Variants in SLC25A36 observed in about 807,000 individuals in gnomAD.
SLC25A36 encodes epididymis secretory sperm binding protein.
Under a neutral mutation model 35.3 loss-of-function variants are expected in SLC25A36, and 24 were observed. The observed-to-expected ratio is 0.68, with a 90% CI of 0.49 to 0.96. The LOEUF is 0.96. SLC25A36 is among the 40% of genes least tolerant of loss of function. The pLI, the probability that SLC25A36 is intolerant of heterozygous loss-of-function variation, is 0.00. For missense variants in SLC25A36, 294 were observed against 381.1 expected (o/e 0.77, Z 1.90); for synonymous variants, 141 against 132.2 (o/e 1.07, Z -0.46).
Position 140,970,967 on chromosome 3 carries a change from A to C in SLC25A36, c.426A>C (p.Ile142=). The C allele has an allele frequency of 6.6e-7, 1 of 1,523,994 alleles. No individual in the cohort carries two copies. The highest frequency in any genetic ancestry group is 9.1e-7 in the Non-Finnish European group (1 of 1,099,184). 94.4% of individuals were successfully genotyped at this position (1,523,994 alleles called of 1,614,324 possible). Residue 142 remains isoleucine (I), a synonymous_variant, in exon 5 of 7, where the codon ATA becomes ATC. Transcript: ENST00000324194. Reference sequence around the variant, plus strand: ...CAGCAACCAACCCCATTTGGCTTATAAAGACTCGGTTACAGCTTGATGCAA... The same window carrying C: ...CAGCAACCAACCCCATTTGGCTTATCAAGACTCGGTTACAGCTTGATGCAA... ...AITATNPIWL[I]KTRLQLDARN...
At chr3:140,947,792 A>G (rs996052350) in intron 1 of SLC25A36, among the ~76,000 whole-genome samples, 1 of 152,258 alleles carries the variant, frequency 6.6e-6, no homozygotes, top group African/African-American at 2.4e-5. Flanking sequence ...TATCAGGTAT[A>G]TAGATGTCCA....
intron 3 of SLC25A36, among the ~76,000 whole-genome samples, chr3:140,961,861 A>AC (rs1381039394): frequency 8.0e-6 from 1 of 125,700 alleles, no homozygotes; most frequent in Non-Finnish European, 1.7e-5. Flanking sequence ...GTCTCAAAAA[A>AC]AAAAAAAAAA....
At chr3:140,958,073 G>A (rs1324755364) in intron 2 of SLC25A36, among the ~76,000 whole-genome samples, 1 of 152,084 alleles carries the variant, frequency 6.6e-6, no homozygotes, top group Non-Finnish European at 1.5e-5. Context: ...CTGAGTATGA[G>A]AGTAAAGTTA....
rs368807389 is a variant in SLC25A36 at position 140,942,037 on chromosome 3, G to A, written c.-18G>A. 3 of 1,442,412 alleles carry A rather than the reference G, an allele frequency of 2.1e-6. No homozygotes were observed. The highest frequency in any genetic ancestry group is 2.8e-6 in the Non-Finnish European group (3 of 1,060,276). 89.4% of individuals were successfully genotyped at this position (1,442,412 alleles called of 1,614,324 possible). A position where few individuals can be genotyped will look rare whatever the true frequency, so the allele number is the denominator to read the frequency against. ...TCCGCGTCCCGCCTCAGCGGCCGGA[G>A]GACATGCGGGAGAGAGAATGAGCCA... On this transcript the variant is annotated 5_prime_UTR_variant, in exon 1 of 7. Coordinates refer to ENST00000324194, the MANE Select transcript of SLC25A36 (RefSeq NM_001104647.3).
chr3:140,976,293 C>T lies in SLC25A36; in HGVS notation c.776C>T (p.Thr259Ile), dbSNP rs1935043512. Residue 259 changes from threonine (T) to isoleucine (I), a missense_variant, in exon 7 of 7, where the codon ACA becomes ATA. Physicochemically the swap from Thr to Ile is moderately conservative, Grantham distance 89. Around this residue, in one of 2 missense-constraint regions of SLC25A36, gnomAD observed 109 missense variants for 179.7 expected, o/e 0.61. Transcript: ENST00000324194. Reference sequence around the variant, plus strand: ...AGAACAAGACTACGTGAAGAGGGAACAAAATACAGATCTTTTTTTCAGACT... The same window carrying T: ...AGAACAAGACTACGTGAAGAGGGAATAAAATACAGATCTTTTTTTCAGACT... ...VVRTRLREEG[T>I]KYRSFFQTLS... 1 of 1,611,148 alleles carries T rather than the reference C, an allele frequency of 6.2e-7. No individual in the cohort carries two copies. Among genetic ancestry groups the T allele is most frequent in the East Asian group, 2.2e-5 (1 of 44,826 alleles).
At chr3:140,950,910 C>CTCTGTGTGTGTGTGTGTG (rs1491149961) in intron 1 of SLC25A36, among the ~76,000 whole-genome samples, 8 of 110,544 alleles carry the variant, frequency 7.2e-5, no homozygotes, top group African/African-American at 4.1e-4. Context: ...CTGTGTGTGT[C>CTCTGTGTGTGTGTGTGTG]TGTGTGTCTG....
chr3:140,968,435 G>A (rs1057027891), intron 4 of SLC25A36: 1 of 981,714 alleles, frequency 1.0e-6, no homozygotes, highest in Non-Finnish European at 1.2e-6. Flanking sequence ...AATTACGTAG[G>A]GATAAGATAA....
intron 1 of SLC25A36, among the ~76,000 whole-genome samples, chr3:140,947,833 G>A (rs887657951): frequency 6.6e-6 from 1 of 152,164 alleles, no homozygotes; most frequent in African/African-American, 2.4e-5. Flanking sequence ...ATTGCTTCTT[G>A]TCTAAACACT....
At chr3:140,967,327 A>G (rs1256764637) in intron 4 of SLC25A36, among the ~76,000 whole-genome samples, 1 of 151,932 alleles carries the variant, frequency 6.6e-6, no homozygotes, top group Non-Finnish European at 1.5e-5. Flanking sequence ...ATACTATCTT[A>G]AAAGTTTTAG....
At chr3:140,970,364 AC>A (rs1342522942) in intron 4 of SLC25A36, 2 of 152,056 alleles carry the variant, frequency 1.3e-5, no homozygotes, top group African/African-American at 4.8e-5. Flanking sequence ...TTACTGTGAT[AC>A]GGTTATTTTA....
chr3:140,951,695 A>G (rs1007706375), intron 1 of SLC25A36, among the ~76,000 whole-genome samples: 1 of 151,730 alleles, frequency 6.6e-6, no homozygotes, highest in South Asian at 2.1e-4. Context: ...GTGTTTCACC[A>G]TGTTGGCCAG....
Position 140,976,357 on chromosome 3 carries a change from T to C in SLC25A36, c.840T>C (p.Leu280=), listed in dbSNP as rs148801836. 6 of 1,613,828 alleles carry C rather than the reference T, an allele frequency of 3.7e-6. No homozygotes were observed. In the African/African-American group the frequency reaches 8.0e-5, roughly 22 times the overall value. Residue 280 remains leucine, a synonymous_variant, in exon 7 of 7, where the codon CTT becomes CTC. Transcript: ENST00000324194. ...TTCAAGAAGAAGGTTATGGGTCTCT[T>C]TATCGTGGTCTGACAACTCATCTAG... ...LLVQEEGYGS[L]YRGLTTHLVR...
chr3:140,943,227 T>C (rs1035591837), intron 1 of SLC25A36, among the ~76,000 whole-genome samples: 1 of 152,212 alleles, frequency 6.6e-6, no homozygotes, highest in Non-Finnish European at 1.5e-5. Context: ...ATCCTGCAGT[T>C]TTTAGATCGA....
intron 1 of SLC25A36, among the ~76,000 whole-genome samples, chr3:140,954,312 C>A (rs1027043636): frequency 6.6e-6 from 1 of 152,122 alleles, no homozygotes; most frequent in South Asian, 2.1e-4. Flanking sequence ...TTGGGTTGTT[C>A]CCAGTTTTTA....
chr3:140,942,326 G>A (rs974012582), intron 1 of SLC25A36: 10 of 424,308 alleles, frequency 2.4e-5, no homozygotes, highest in South Asian at 4.6e-5. Context: ...GAGGGCGAGA[G>A]AGTGAGGCCC....
At position 140,977,358 on chromosome 3, in the gene SLC25A36, G is replaced by GT. The variant is rs1490684424; in HGVS notation, c.*911dup. 1 of 152,030 alleles carries GT rather than the reference G, an allele frequency of 6.6e-6. No individual in the cohort carries two copies. Among genetic ancestry groups the GT allele is most frequent in the Non-Finnish European group, 1.5e-5 (1 of 67,980 alleles). 9.4% of individuals were successfully genotyped at this position (152,030 alleles called of 1,614,324 possible). A position where few individuals can be genotyped will look rare whatever the true frequency, so the allele number is the denominator to read the frequency against. On this transcript the variant is annotated 3_prime_UTR_variant, in exon 7 of 7. Coordinates refer to ENST00000324194, the MANE Select transcript of SLC25A36 (RefSeq NM_001104647.3). Reference sequence around the variant, plus strand: ...TCACATTAAGAATTTGAACTTTTGAGTTTTTTCCAGGTCTATATATAATAG... The same window carrying GT: ...TCACATTAAGAATTTGAACTTTTGAGTTTTTTTCCAGGTCTATATATAATAG...
At position 140,980,419 on chromosome 3, in the gene SLC25A36, T is replaced by TTGGAGG. The variant is rs11282181; in HGVS notation, c.*3968_*3969insGAGGTG. Among the ~76,000 whole-genome samples the TTGGAGG allele has an allele frequency of 6.6e-6, 1 of 152,122 alleles. No individual in the cohort carries two copies. Among genetic ancestry groups the TTGGAGG allele is most frequent in the South Asian group, 2.1e-4 (1 of 4,834 alleles). On this transcript the variant is annotated 3_prime_UTR_variant, in exon 7 of 7. Coordinates refer to ENST00000324194, the MANE Select transcript of SLC25A36 (RefSeq NM_001104647.3). The stretch of plus-strand genomic sequence containing the variant: ...AGTTAACATCAAACATTGTCCAGTC[T>TTGGAGG]TGAGGAAACCAGGACGAAATATATT...
At chr3:140,949,181 G>T (rs991250458) in intron 1 of SLC25A36, among the ~76,000 whole-genome samples, 1 of 152,002 alleles carries the variant, frequency 6.6e-6, no homozygotes, top group African/African-American at 2.4e-5. Context: ...GTCCATAAAG[G>T]CCCTTAAGGT....
chr3:140,976,504 G>A lies in SLC25A36; in HGVS notation c.*51G>A, dbSNP rs962715467. On this transcript the variant is annotated 3_prime_UTR_variant, in exon 7 of 7. Transcript: ENST00000324194. ...AAAAAGAAGACCAAAAGATTACAGTGGACCATGGGATACAGAAGCCAGCAT... is the reference window on the plus strand; with the variant it reads ...AAAAAGAAGACCAAAAGATTACAGTAGACCATGGGATACAGAAGCCAGCAT... 1.4e-6 allele frequency: 2 copies of A among 1,479,822 alleles called. No individual in the cohort carries two copies. Among genetic ancestry groups the A allele is most frequent in the African/African-American group, 1.4e-5 (1 of 70,868 alleles). The allele number at this position is 1,479,822 out of a possible 1,614,324, so 91.7% of individuals were successfully genotyped here. A position where few individuals can be genotyped will look rare whatever the true frequency, so the allele number is the denominator to read the frequency against.
Sources: gnomAD v4.1 joint callset for allele counts (sites outside exome capture counted in the v4.1 genomes callset) on GRCh38, gnomAD v4.1.1 for gene constraint, gnomAD v4.1.1 regional missense constraint, MANE v1.5 for transcripts, NCBI Gene and HGNC (gene_info 2026-07-23, HGNC 2026-07-21) for gene names.